The following GREM2 variants were observed in gnomAD, a reference collection of about 807,000 sequenced individuals.
GREM2 encodes the protein gremlin-2.
Under a neutral mutation model 14.2 loss-of-function variants are expected in GREM2, and 11 were observed. The observed-to-expected ratio is 0.78, with a 90% confidence interval of 0.49 to 1.28. The LOEUF (loss-of-function observed/expected upper bound fraction) is 1.28. Ranked by LOEUF, GREM2 falls within the 50% of genes most tolerant of loss-of-function variation. The probability of loss-of-function intolerance (pLI) is 0.00; values close to 1 mark genes in which losing one functional copy is unlikely to be tolerated. For synonymous variants in GREM2, 98 were observed against 97.6 expected (o/e 1.00, Z -0.02); for missense variants, 210 against 218.5 (o/e 0.96, Z 0.24).
chr1:240,545,347 G>A (rs1252873147), intron 1 of GREM2, among the ~76,000 whole-genome samples: 1 of 152,250 alleles, frequency 6.6e-6, no homozygotes, highest in East Asian at 1.9e-4. Flanking sequence ...GGGCATGGAA[G>A]CTCCACGCCT....
chr1:240,586,050 T>G (rs1558173409), intron 1 of GREM2, among the ~76,000 whole-genome samples: 1 of 150,926 alleles, frequency 6.6e-6, no homozygotes, highest in Admixed American at 6.6e-5. Context: ...AAGACAAAAC[T>G]CACACACAGA....
chr1:240,537,448 A>G (rs1678497381), intron 1 of GREM2, among the ~76,000 whole-genome samples: 1 of 152,158 alleles, frequency 6.6e-6, no homozygotes, highest in African/African-American at 2.4e-5. Context: ...TGCAAAAAAC[A>G]GCACTGACAA....
chr1:240,522,133 A>C (rs552623399), intron 1 of GREM2, among the ~76,000 whole-genome samples: 5 of 151,416 alleles, frequency 3.3e-5, no homozygotes, highest in African/African-American at 1.2e-4. Flanking sequence ...AAAAAAAAAA[A>C]AACAAAAACA....
intron 1 of GREM2, among the ~76,000 whole-genome samples, chr1:240,548,915 G>A (rs747398068): frequency 3.9e-5 from 6 of 152,202 alleles, no homozygotes; most frequent in Non-Finnish European, 8.8e-5. Context: ...TTTAGGAGAA[G>A]CTACTGAGTA....
At chr1:240,532,640 T>TATAGATAGATAGATAG (rs199526145) in intron 1 of GREM2, among the ~76,000 whole-genome samples, 1 of 104,172 alleles carries the variant, frequency 9.6e-6, no homozygotes, top group African/African-American at 3.2e-5. Context: ...AAGAGATATA[T>TATAGATAGATAGATAG]ATAGATAGAT....
intron 1 of GREM2, among the ~76,000 whole-genome samples, chr1:240,610,644 G>A (rs879389708): frequency 2.6e-5 from 4 of 152,216 alleles, no homozygotes; most frequent in Admixed American, 6.5e-5. Flanking sequence ...AGCTAAGCAC[G>A]GCTGAATGGT....
chr1:240,596,257 G>A (rs1679816791), intron 1 of GREM2, among the ~76,000 whole-genome samples: 1 of 152,104 alleles, frequency 6.6e-6, no homozygotes, highest in Admixed American at 6.5e-5. Context: ...GTGTTATGTA[G>A]GTCTTAGTCA....
intron 1 of GREM2, among the ~76,000 whole-genome samples, chr1:240,578,448 A>G (rs1432006147): frequency 6.6e-6 from 1 of 151,964 alleles, no homozygotes; most frequent in African/African-American, 2.4e-5. Flanking sequence ...TTTTTACTAC[A>G]CAACCTTTGG....
chr1:240,562,937 AGT>A (rs576739326), intron 1 of GREM2, among the ~76,000 whole-genome samples: 120 of 120,526 alleles, frequency 1.0e-3, no homozygotes, highest in African/African-American at 6.5e-4. Flanking sequence ...TATGTGTGTG[AGT>A]GTGTGAGTGT....
intron 1 of GREM2, chr1:240,531,705 TTTC>T: frequency 4.4e-6 from 4 of 900,352 alleles, no homozygotes; most frequent in Non-Finnish European, 5.0e-6. Context: ...TTCTTTTCTT[TTTC>T]TTCTTCTTTT....
chr1:240,510,180 T>C (rs904226385), intron 1 of GREM2, among the ~76,000 whole-genome samples: 4 of 151,880 alleles, frequency 2.6e-5, no homozygotes, highest in Non-Finnish European at 4.4e-5. Context: ...CCATCCTGGC[T>C]AACACGGTGA....
At chr1:240,600,819 C>G (rs1396460784) in intron 1 of GREM2, among the ~76,000 whole-genome samples, 1 of 152,108 alleles carries the variant, frequency 6.6e-6, no homozygotes, top group East Asian at 1.9e-4. Context: ...CTCTCCTTCC[C>G]CATGAACTAT....
At chr1:240,598,218 C>A (rs1320873471) in intron 1 of GREM2, among the ~76,000 whole-genome samples, 1 of 152,190 alleles carries the variant, frequency 6.6e-6, no homozygotes, top group African/African-American at 2.4e-5. Context: ...TGAAAGCACA[C>A]TTTCTTGTTG....
In GREM2 at chr1:240,509,659, C is replaced by T. The variant is rs144210661; in HGVS notation, c.-1-16183G>A. Among the ~76,000 whole-genome samples the T allele has an allele frequency of 4.7e-3, 715 of 152,174 alleles. 4 individuals carry two copies. Among genetic ancestry groups the T allele is most frequent in the Admixed American group, 0.01 (157 of 15,242 alleles). On this transcript the variant is annotated intron_variant, in intron 1 of 1. Coordinates refer to ENST00000318160, the MANE Select transcript of GREM2 (RefSeq NM_022469.4). Reference sequence around the variant, plus strand: ...CTGGGATTACAGGCATGAGCCACTGCACCCGGTGCTCATTTGACTCTTATG... The same window carrying T: ...CTGGGATTACAGGCATGAGCCACTGTACCCGGTGCTCATTTGACTCTTATG...
intron 1 of GREM2, among the ~76,000 whole-genome samples, chr1:240,595,553 G>T (rs1258877993): frequency 6.6e-6 from 1 of 152,094 alleles, no homozygotes; most frequent in Non-Finnish European, 1.5e-5. Flanking sequence ...GGAATGGAAG[G>T]TGTTATTCCC....
intron 1 of GREM2, among the ~76,000 whole-genome samples, chr1:240,602,929 C>T (rs546488273): frequency 1.6e-4 from 24 of 152,018 alleles, no homozygotes; most frequent in Non-Finnish European, 8.8e-5. Flanking sequence ...AAATACTAGC[C>T]GGGTGTGGTG....
chr1:240,575,704 A>C (rs562733377), intron 1 of GREM2, among the ~76,000 whole-genome samples: 1 of 152,040 alleles, frequency 6.6e-6, no homozygotes, highest in Non-Finnish European at 1.5e-5. Context: ...TATTTATAGT[A>C]GAGACGGGGT....
In GREM2 at chr1:240,493,438, G is replaced by T; in HGVS notation, c.38C>A (p.Ala13Glu). 1 of 1,610,738 alleles carries T rather than the reference G, an allele frequency of 6.2e-7. No homozygotes were observed. Among genetic ancestry groups the T allele is most frequent in the Non-Finnish European group, 8.5e-7 (1 of 1,178,478 alleles). ...WKLSLSLFLVAVLVKVAEARK... is the reference protein window; with the variant it reads ...WKLSLSLFLVEVLVKVAEARK... The stretch of plus-strand genomic sequence containing the variant: ...GGCTTCCGCCACCTTCACCAGCACC[G>T]CCACCAGGAACAAGGACAGGGAAAG... The change falls in exon 2 of 2, where the codon GCG becomes GAG. Residue 13 changes from alanine to glutamate, a missense_variant. Physicochemically the swap from Ala to Glu is moderately radical, Grantham distance 107. Coordinates refer to ENST00000318160, the MANE Select transcript of GREM2 (RefSeq NM_022469.4).
chr1:240,507,259 TCCTTCCTGCCTG>T (rs1052346381), intron 1 of GREM2, among the ~76,000 whole-genome samples: 5 of 152,156 alleles, frequency 3.3e-5, no homozygotes, highest in South Asian at 4.2e-4. Context: ...TTCCCTCCAT[TCCTTCCTGCCTG>T]CCTTCCTGCC....
Sources: allele counts gnomAD v4.1 joint callset (sites outside exome capture counted in the v4.1 genomes callset), GRCh38; gene constraint gnomAD v4.1.1; transcripts MANE v1.5; gene names NCBI Gene and HGNC (gene_info 2026-07-23, HGNC 2026-07-21).